The following STK33 variants were observed in gnomAD, a reference collection of about 807,000 sequenced individuals.
STK33 encodes serine/threonine kinase 33.
STK33 carries 52 observed loss-of-function variants against 58.0 expected under a neutral mutation model. The ratio of observed to expected loss-of-function variants is 0.90; its 90% CI spans 0.72 to 1.13. The LOEUF (loss-of-function observed/expected upper bound fraction) is 1.13, where lower values mean the gene tolerates loss of function less well. Among genes scored for constraint, STK33 ranks in the 50% most tolerant of loss-of-function variants. The probability of loss-of-function intolerance (pLI) is 0.00; values close to 1 mark genes in which losing one functional copy is unlikely to be tolerated. For synonymous variants in STK33, 215 were observed against 200.1 expected (o/e 1.07, Z -0.63); for missense variants, 630 against 604.2 (o/e 1.04, Z -0.45).
chr11:8,383,389 G>T, the STK33 span, among the ~76,000 whole-genome samples: 9 of 152,170 alleles, frequency 5.9e-5, no homozygotes, highest in African/African-American at 2.2e-4. Context: ...TTCCAGAGTG[G>T]AATTCATCTG....
At chr11:8,449,642 G>C (rs113279308) in intron 11 of STK33, among the ~76,000 whole-genome samples, 2 of 142,256 alleles carry the variant, frequency 1.4e-5, no homozygotes, top group African/African-American at 2.6e-5. Flanking sequence ...TGGGGTGGGT[G>C]GGGGGAGGGA....
the STK33 span, among the ~76,000 whole-genome samples, chr11:8,359,401 T>C: frequency 6.6e-6 from 1 of 152,232 alleles, no homozygotes; most frequent in Non-Finnish European, 1.5e-5. Flanking sequence ...GTTATGCGTA[T>C]TGGACTTCCT....
intron 1 of STK33, among the ~76,000 whole-genome samples, chr11:8,568,312 C>T (rs1957581507): frequency 6.6e-6 from 1 of 151,992 alleles, no homozygotes; most frequent in South Asian, 2.1e-4. Flanking sequence ...AAAGTTCCTC[C>T]AAAGTATTAT....
At chr11:8,429,686 T>C (rs1184501131) in intron 14 of STK33, among the ~76,000 whole-genome samples, 1 of 152,092 alleles carries the variant, frequency 6.6e-6, no homozygotes, top group Non-Finnish European at 1.5e-5. Flanking sequence ...CCGTCTGTCC[T>C]GGCAAACAAT....
intron 1 of STK33, among the ~76,000 whole-genome samples, chr11:8,513,348 C>A (rs1007763789): frequency 6.6e-6 from 1 of 152,160 alleles, no homozygotes; most frequent in Non-Finnish European, 1.5e-5. Flanking sequence ...GTTCCTACCA[C>A]CTTGCTTTCA....
intron 1 of STK33, among the ~76,000 whole-genome samples, chr11:8,573,411 A>T (rs981792964): frequency 1.3e-5 from 2 of 152,238 alleles, no homozygotes; most frequent in Non-Finnish European, 2.9e-5. Context: ...AAAGGCTAAA[A>T]TAAAAAATAG....
chr11:8,339,684 G>A, the STK33 span, among the ~76,000 whole-genome samples: 1 of 152,236 alleles, frequency 6.6e-6, no homozygotes, highest in African/African-American at 2.4e-5. Flanking sequence ...TCTCTACAGC[G>A]GGGGCTGCAA....
chr11:8,534,709 C>A (rs375128190), intron 1 of STK33, among the ~76,000 whole-genome samples: 2 of 151,740 alleles, frequency 1.3e-5, no homozygotes, highest in East Asian at 1.9e-4. Context: ...AAATCATCAT[C>A]CATTGAAAAC....
At chr11:8,579,518 T>C (rs1958417349) in intron 1 of STK33, among the ~76,000 whole-genome samples, 1 of 152,026 alleles carries the variant, frequency 6.6e-6, no homozygotes, top group South Asian at 2.1e-4. Context: ...ATGAATATTT[T>C]TAATTTAAGA....
At chr11:8,492,978 G>C (rs1235997430) in intron 1 of STK33, among the ~76,000 whole-genome samples, 1 of 152,106 alleles carries the variant, frequency 6.6e-6, no homozygotes, top group African/African-American at 2.4e-5. Flanking sequence ...AGCACTAAAT[G>C]CCCACAAGAG....
rs922599902 is a variant in STK33, at chr11:8,474,872, T to C, written c.34A>G (p.Lys12Glu). Reference sequence around the variant, plus strand: ...GAAGCAGATGAACAGTCGGGGCATTTTGTGGATTTTTTATCTAAGCCACTA... The same window carrying C: ...GAAGCAGATGAACAGTCGGGGCATTCTGTGGATTTTTTATCTAAGCCACTA... ...ADSGLDKKST[K>E]CPDCSSASQK... Residue 12 changes from lysine to glutamate, a missense_variant, in exon 5 of 16, where the codon AAA becomes GAA. By Grantham distance (56) the Lys-to-Glu change is moderately conservative. Transcript: ENST00000687296. 5 of 1,591,630 alleles carry C rather than the reference T, an allele frequency of 3.1e-6. No homozygotes were observed. The East Asian group carries it at 9.0e-5, about 29-fold the overall frequency.
intron 1 of STK33, among the ~76,000 whole-genome samples, chr11:8,487,441 A>AAAAAG (rs1950268601): frequency 8.3e-6 from 1 of 120,826 alleles, no homozygotes; most frequent in Non-Finnish European, 1.7e-5. Context: ...AAAAAAAAAA[A>AAAAAG]AGAGAGAGAG....
At chr11:8,567,559 T>C (rs1325834028) in intron 1 of STK33, among the ~76,000 whole-genome samples, 1 of 152,244 alleles carries the variant, frequency 6.6e-6, no homozygotes, top group Non-Finnish European at 1.5e-5. Context: ...CCAATACAGC[T>C]ATTCCTCCCA....
At chr11:8,546,247 C>T (rs2140442641) in intron 1 of STK33, among the ~76,000 whole-genome samples, 1 of 152,258 alleles carries the variant, frequency 6.6e-6, no homozygotes, top group African/African-American at 2.4e-5. Context: ...ACTTAGGCTA[C>T]ACTAAATTTA....
At chr11:8,495,503 G>C (rs1950990497) in intron 1 of STK33, among the ~76,000 whole-genome samples, 1 of 152,178 alleles carries the variant, frequency 6.6e-6, no homozygotes, top group Non-Finnish European at 1.5e-5. Context: ...GTTGGTGGGA[G>C]TGTAAACTAG....
chr11:8,449,858 T>C (rs1591164064), intron 11 of STK33, among the ~76,000 whole-genome samples: 1 of 152,166 alleles, frequency 6.6e-6, no homozygotes, highest in Non-Finnish European at 1.5e-5. Flanking sequence ...TGAGATACCA[T>C]TTCACGTCAG....
chr11:8,347,415 C>A, the STK33 span, among the ~76,000 whole-genome samples: 1 of 152,248 alleles, frequency 6.6e-6, no homozygotes, highest in Non-Finnish European at 1.5e-5. Flanking sequence ...AACAAACGCT[C>A]CCCAAATCTC....
intron 1 of STK33, among the ~76,000 whole-genome samples, chr11:8,574,209 T>A (rs943919781): frequency 4.6e-5 from 7 of 152,128 alleles, no homozygotes; most frequent in African/African-American, 1.2e-4. Flanking sequence ...CACAAATGAG[T>A]AAATATACAA....
chr11:8,435,222 T>G (rs1943918259), intron 14 of STK33, among the ~76,000 whole-genome samples: 1 of 152,156 alleles, frequency 6.6e-6, no homozygotes, highest in Non-Finnish European at 1.5e-5. Flanking sequence ...TACTGGACAT[T>G]TTTCAGCTCT....
Sources: allele counts gnomAD v4.1 joint callset (sites outside exome capture counted in the v4.1 genomes callset), GRCh38; gene constraint gnomAD v4.1.1; transcripts MANE v1.5; gene names NCBI Gene and HGNC (gene_info 2026-07-23, HGNC 2026-07-21).